The following CHCHD6 variants were observed in gnomAD, a reference collection of about 807,000 sequenced individuals.
The protein encoded by CHCHD6 is MICOS complex subunit MIC25.
CHCHD6 carries 28 observed loss-of-function variants against 32.3 expected under a neutral mutation model. The observed-to-expected ratio is 0.87, with a 90% CI of 0.64 to 1.19. CHCHD6 has a LOEUF of 1.19. Among genes scored for constraint, CHCHD6 ranks in the 50% most tolerant of loss-of-function variants. CHCHD6 has a pLI of 0.00. For synonymous variants in CHCHD6, 122 were observed against 117.5 expected, an observed-to-expected ratio of 1.04 and a Z score of -0.25; for missense variants, 333 against 307.0, an observed-to-expected ratio of 1.08 and a Z score of -0.63.
chr3:126,727,423 T>C (rs1344734290), intron 2 of CHCHD6, among the ~76,000 whole-genome samples: 1 of 152,202 alleles, frequency 6.6e-6, no homozygotes, highest in Non-Finnish European at 1.5e-5. Flanking sequence ...TTTCTCCATG[T>C]GGGAATTGAG....
chr3:126,753,867 C>T (rs1373203019), intron 4 of CHCHD6, among the ~76,000 whole-genome samples: 1 of 152,190 alleles, frequency 6.6e-6, no homozygotes, highest in Non-Finnish European at 1.5e-5. Context: ...GGTACCAGCA[C>T]GTGGCCTGGA....
At chr3:126,863,502 T>C (rs370149075) in intron 5 of CHCHD6, among the ~76,000 whole-genome samples, 1,155 of 17,884 alleles carry the variant, frequency 0.065, no homozygotes, top group Middle Eastern at 0.12. Flanking sequence ...CCTCCTCTAC[T>C]ATCACCACCT....
intron 4 of CHCHD6, among the ~76,000 whole-genome samples, chr3:126,814,163 A>G (rs916262135): frequency 1.3e-5 from 2 of 152,208 alleles, no homozygotes; most frequent in Non-Finnish European, 2.9e-5. Flanking sequence ...GAGGTAGGGA[A>G]GATGTCTCTA....
At chr3:126,832,784 G>A (rs1242865798) in intron 4 of CHCHD6, among the ~76,000 whole-genome samples, 3 of 152,178 alleles carry the variant, frequency 2.0e-5, no homozygotes, top group Non-Finnish European at 2.9e-5. Flanking sequence ...AAGGGGGAGG[G>A]CTGGTGTGGG....
At chr3:126,946,458 G>A (rs1335579778) in intron 6 of CHCHD6, among the ~76,000 whole-genome samples, 1 of 152,186 alleles carries the variant, frequency 6.6e-6, no homozygotes, top group Non-Finnish European at 1.5e-5. Context: ...CAGCAGCCAG[G>A]GGCTCGTTTG....
intron 2 of CHCHD6, 54 bp downstream of exon 2, chr3:126,727,240 T>C: frequency 7.4e-7 from 1 of 1,352,746 alleles, no homozygotes. Flanking sequence ...AAAGGAGTGA[T>C]GGGTGCTCAC....
At chr3:126,772,365 T>G (rs1229552745) in intron 4 of CHCHD6, among the ~76,000 whole-genome samples, 2 of 152,228 alleles carry the variant, frequency 1.3e-5, no homozygotes, top group Non-Finnish European at 2.9e-5. Flanking sequence ...CCCAAAGTGC[T>G]GGAATTACAG....
At chr3:126,861,823 C>CCT in intron 5 of CHCHD6, among the ~76,000 whole-genome samples, 1 of 91,766 alleles carries the variant, frequency 1.1e-5, no homozygotes. Context: ...CACCACCTCC[C>CCT]CTTCCTCCAC....
rs139877409 is a variant in CHCHD6 at position 126,936,153 on chromosome 3, G to A, written c.567-21263G>A. ...AACCTTAGATCAGCCTTTCCTCTCA[G>A]CCAGGTGAACCTAGGTTCACATCCT... On this transcript the variant is annotated intron_variant, in intron 6 of 7. Transcript: ENST00000290913. Among the ~76,000 whole-genome samples, 28 of 152,262 alleles carry A rather than the reference G, an allele frequency of 1.8e-4. No homozygotes were observed. The East Asian group carries it at 4.8e-3, about 26-fold the overall frequency.
intron 4 of CHCHD6, chr3:126,767,373 C>T: frequency 1.3e-6 from 1 of 792,288 alleles, no homozygotes; most frequent in South Asian, 1.3e-5. Flanking sequence ...GACATGATCA[C>T]TTCGTGGCTG....
chr3:126,957,965 T>G, intron 7 of CHCHD6: 1 of 318,210 alleles, frequency 3.1e-6, no homozygotes, highest in African/African-American at 2.2e-5. Flanking sequence ...GGAAGAGGAG[T>G]GGGAGCAGAT....
intron 4 of CHCHD6, chr3:126,780,555 T>G: frequency 5.3e-6 from 1 of 189,414 alleles, no homozygotes; most frequent in Non-Finnish European, 1.1e-5. Flanking sequence ...AGATGGCCCC[T>G]TATCTTCGCC....
intron 4 of CHCHD6, among the ~76,000 whole-genome samples, chr3:126,794,730 C>G (rs1938710406): frequency 6.6e-6 from 1 of 152,030 alleles, no homozygotes; most frequent in Non-Finnish European, 1.5e-5. Flanking sequence ...TCTGGTATTG[C>G]CAGCTCTTTC....
intron 5 of CHCHD6, among the ~76,000 whole-genome samples, chr3:126,862,365 C>T: frequency 7.1e-6 from 1 of 141,038 alleles, no homozygotes; most frequent in Non-Finnish European, 1.5e-5. Context: ...TCACCACCTC[C>T]TCCACCACCA....
At chr3:126,740,157 T>C (rs1936228985) in intron 4 of CHCHD6, among the ~76,000 whole-genome samples, 2 of 151,990 alleles carry the variant, frequency 1.3e-5, no homozygotes, top group African/African-American at 2.4e-5. Flanking sequence ...ACCTGAAGGG[T>C]TCATCTAAGT....
intron 6 of CHCHD6, among the ~76,000 whole-genome samples, chr3:126,942,802 T>C (rs1012097811): frequency 2.6e-5 from 4 of 152,100 alleles, no homozygotes; most frequent in African/African-American, 9.7e-5. Context: ...TTCTAGGTGC[T>C]CTCAGTGGGA....
chr3:126,935,286 C>A, intron 6 of CHCHD6: 1 of 383,684 alleles, frequency 2.6e-6, no homozygotes, highest in Non-Finnish European at 3.6e-6. Context: ...TCAAGATGAG[C>A]AGGTGTTAAG....
At chr3:126,859,455 A>G (rs114386055) in intron 5 of CHCHD6, among the ~76,000 whole-genome samples, 2,744 of 152,336 alleles carry the variant, frequency 0.018, 30 homozygotes, top group Middle Eastern at 0.051. Context: ...AGAAGGTTGT[A>G]AATTTAATTC....
chr3:126,914,187 T>A (rs2078135726), intron 5 of CHCHD6, among the ~76,000 whole-genome samples: 1 of 152,218 alleles, frequency 6.6e-6, no homozygotes, highest in African/African-American at 2.4e-5. Flanking sequence ...AGAAGTCATT[T>A]CACCTCTCCG....
Sources: gnomAD v4.1 joint callset for allele counts (sites outside exome capture counted in the v4.1 genomes callset) on GRCh38, gnomAD v4.1.1 for gene constraint, MANE v1.5 for transcripts, NCBI Gene and HGNC (gene_info 2026-07-23, HGNC 2026-07-21) for gene names.